Variants in CAMTA1 observed in about 807,000 individuals in gnomAD.
CAMTA1 encodes calmodulin binding transcription activator 1, also known as calmodulin-binding transcription activator 1.
In CAMTA1, 27 loss-of-function variants were observed where a neutral mutation model predicts 170.9. The observed-to-expected ratio is 0.16, with a 90% CI of 0.12 to 0.22. The LOEUF is 0.22. Ranked by LOEUF, CAMTA1 falls within the 10% of genes least tolerant of loss-of-function variation. The pLI, the probability that CAMTA1 is intolerant of heterozygous loss-of-function variation, is 1.00. For synonymous variants in CAMTA1, 833 were observed against 891.5 expected, an observed-to-expected ratio of 0.93 and a Z score of 1.17; for missense variants, 1,619 against 2,217.2, an observed-to-expected ratio of 0.73 and a Z score of 5.42.
rs550477422 is a variant in CAMTA1, at chr1:7,067,369, C to G, written c.235-23935C>G. The stretch of plus-strand genomic sequence containing the variant: ...GAAGTTCCCTGTCTTTAAGCATTGT[C>G]TTTCTTTAAACAGGCTTCAATGCAA... On this transcript the variant is annotated intron_variant, in intron 3 of 22. Coordinates refer to ENST00000303635, the MANE Select transcript of CAMTA1 (RefSeq NM_015215.4). This position sits in a 1 kb window ranked among gnomAD's most constrained non-coding sequence, Gnocchi z 4.3. 6.6e-6 allele frequency among the ~76,000 whole-genome samples: 1 copy of G among 152,192 alleles called. No homozygotes were observed. Among genetic ancestry groups the G allele is most frequent in the African/African-American group, 2.4e-5 (1 of 41,438 alleles).
chr1:7,213,232 T>C (rs1397152518), intron 4 of CAMTA1, among the ~76,000 whole-genome samples: 1 of 152,244 alleles, frequency 6.6e-6, no homozygotes, highest in Non-Finnish European at 1.5e-5. Context: ...ACCAGCAATG[T>C]ACGGATGACC....
chr1:7,158,822 A>G (rs1197586030), intron 4 of CAMTA1, among the ~76,000 whole-genome samples: 1 of 152,194 alleles, frequency 6.6e-6, no homozygotes, highest in African/African-American at 2.4e-5. Context: ...CACATCTGGT[A>G]AAACTAGATT....
intron 6 of CAMTA1, among the ~76,000 whole-genome samples, chr1:7,631,587 C>G (rs546783133): frequency 6.6e-6 from 1 of 152,192 alleles, no homozygotes; most frequent in Admixed American, 6.5e-5. Flanking sequence ...TGCTCCCACC[C>G]CTGAGTGGCC....
intron 4 of CAMTA1, among the ~76,000 whole-genome samples, chr1:7,129,172 A>G (rs1645106123): frequency 6.6e-6 from 1 of 152,076 alleles, no homozygotes; most frequent in South Asian, 2.1e-4. Context: ...CTATAAGGTC[A>G]CTTGCCCAGG....
chr1:7,415,458 A>G (rs949617780), intron 5 of CAMTA1, among the ~76,000 whole-genome samples: 12 of 151,910 alleles, frequency 7.9e-5, no homozygotes, highest in African/African-American at 2.4e-4. Flanking sequence ...TTGGGTGCAT[A>G]TATATTTAGG....
At chr1:7,492,773 AAG>A (rs2093735596) in intron 6 of CAMTA1, among the ~76,000 whole-genome samples, 1 of 102,224 alleles carries the variant, frequency 9.8e-6, no homozygotes, top group East Asian at 2.7e-4. Context: ...CTACATACAC[AAG>A]TGCACACACA....
rs535939037 is a variant in CAMTA1, at chr1:7,173,432, G to A, written c.303-76059G>A. Among the ~76,000 whole-genome samples, 2 of 152,210 alleles carry A rather than the reference G, an allele frequency of 1.3e-5. No homozygotes were observed. Among genetic ancestry groups the A allele is most frequent in the South Asian group, 2.1e-4 (1 of 4,818 alleles). On this transcript the variant is annotated intron_variant, in intron 4 of 22. Transcript: ENST00000303635. This position sits in a 1 kb window ranked among gnomAD's most constrained non-coding sequence, Gnocchi z 5.4. The stretch of plus-strand genomic sequence containing the variant: ...GACTGATTTTCACTCTAGTCATCCA[G>A]GCTGGAGTATAACAGTGTGATCTTG...
chr1:7,550,837 T>C (rs2094791234), intron 6 of CAMTA1, among the ~76,000 whole-genome samples: 2 of 124,828 alleles, frequency 1.6e-5, no homozygotes, highest in African/African-American at 6.1e-5. Context: ...CCCCCTCACC[T>C]GACCACACCC....
At position 7,300,244 on chromosome 1, in the gene CAMTA1, C is replaced by T. The variant is rs898141434; in HGVS notation, c.438+50618C>T. On this transcript the variant is annotated intron_variant, in intron 5 of 22. Coordinates refer to ENST00000303635, the MANE Select transcript of CAMTA1 (RefSeq NM_015215.4). The surrounding 1 kb of genome is among the most constrained non-coding windows in gnomAD (Gnocchi z 4.1). ...ATGATTTTCCTTCCTCCAAGGGTCT[C>T]CCCTAGACCCTGGCACAGAATCACC... 5.3e-5 allele frequency among the ~76,000 whole-genome samples: 8 copies of T among 152,194 alleles called. No individual in the cohort carries two copies. Among genetic ancestry groups the T allele is most frequent in the African/African-American group, 1.9e-4 (8 of 41,438 alleles).
At chr1:7,509,077 A>G (rs945505287) in intron 6 of CAMTA1, among the ~76,000 whole-genome samples, 4 of 151,998 alleles carry the variant, frequency 2.6e-5, no homozygotes, top group African/African-American at 9.7e-5. Context: ...CAGGCAAGAT[A>G]CTCACCCCAC....
intron 6 of CAMTA1, among the ~76,000 whole-genome samples, chr1:7,531,284 A>T (rs2094490140): frequency 6.6e-6 from 1 of 152,100 alleles, no homozygotes; most frequent in Admixed American, 6.5e-5. Context: ...GCCTCCACCG[A>T]AGTCTCAGAG....
chr1:7,555,881 C>T (rs555178196), intron 6 of CAMTA1, among the ~76,000 whole-genome samples: 6 of 152,308 alleles, frequency 3.9e-5, no homozygotes, highest in East Asian at 3.9e-4. Context: ...CAATCTAAGC[C>T]GCTAGGGCCC....
intron 5 of CAMTA1, among the ~76,000 whole-genome samples, chr1:7,413,849 A>T (rs922754438): frequency 1.3e-5 from 2 of 152,174 alleles, no homozygotes; most frequent in African/African-American, 4.8e-5. Flanking sequence ...TTCAAAGGGA[A>T]TGCTTCCAGT....
intron 4 of CAMTA1, among the ~76,000 whole-genome samples, chr1:7,120,487 A>C (rs960621807): frequency 6.6e-6 from 1 of 152,196 alleles, no homozygotes; most frequent in Non-Finnish European, 1.5e-5. Flanking sequence ...CAGAGCCAGC[A>C]GGGGAGAGAG....
intron 6 of CAMTA1, among the ~76,000 whole-genome samples, chr1:7,621,536 G>A (rs1226495359): frequency 6.6e-6 from 1 of 152,190 alleles, no homozygotes; most frequent in Non-Finnish European, 1.5e-5. Context: ...CCTTGTCCTG[G>A]CAGTGCAGCT....
At chr1:7,628,380 G>A (rs1295833680) in intron 6 of CAMTA1, among the ~76,000 whole-genome samples, 3 of 152,234 alleles carry the variant, frequency 2.0e-5, no homozygotes, top group Non-Finnish European at 4.4e-5. Flanking sequence ...GCCAGCCTGA[G>A]TGACAAGCTC....
rs144828637 is a variant in CAMTA1, at chr1:7,269,917, TA to T, written c.438+20296del. On this transcript the variant is annotated intron_variant, in intron 5 of 22. Transcript: ENST00000303635. ...CATCAAGAAATATAATCAAGTTTGCTAAAAACCAGCAACAAAGAGGAAATCT... is the reference window on the plus strand; with the variant it reads ...CATCAAGAAATATAATCAAGTTTGCTAAAACCAGCAACAAAGAGGAAATCT... Among the ~76,000 whole-genome samples the T allele has an allele frequency of 6.3e-3, 958 of 152,152 alleles. 8 individuals carry two copies. The highest frequency in any genetic ancestry group is 0.021 in the African/African-American group (888 of 41,502).
At chr1:6,949,997 G>A (rs141729136) in intron 3 of CAMTA1, among the ~76,000 whole-genome samples, 22 of 152,384 alleles carry the variant, frequency 1.4e-4, no homozygotes, top group African/African-American at 4.8e-4. Flanking sequence ...AGCCAGAATG[G>A]GCTCTACGTG....
intron 7 of CAMTA1, among the ~76,000 whole-genome samples, chr1:7,651,801 G>A (rs2095850013): frequency 6.6e-6 from 1 of 152,270 alleles, no homozygotes; most frequent in Non-Finnish European, 1.5e-5. Flanking sequence ...CACAGTGCAT[G>A]AGGGAAACAG....
Sources: gnomAD v4.1 joint callset for allele counts (sites outside exome capture counted in the v4.1 genomes callset) on GRCh38, gnomAD v4.1.1 for gene constraint, Gnocchi (gnomAD v3.1) non-coding constraint, MANE v1.5 for transcripts, NCBI Gene and HGNC (gene_info 2026-07-23, HGNC 2026-07-21) for gene names.